Variants in ATP10D observed in about 807,000 individuals in gnomAD.
The protein encoded by ATP10D is phospholipid-transporting ATPase VD.
In ATP10D, 89 loss-of-function variants were observed where a neutral mutation model predicts 144.8. The observed-to-expected ratio is 0.61, with a 90% CI of 0.52 to 0.73. ATP10D has a LOEUF of 0.73. ATP10D is among the 30% of genes least tolerant of loss of function. ATP10D has a pLI of 0.00. For synonymous variants in ATP10D, 571 were observed against 615.1 expected, an observed-to-expected ratio of 0.93 and a Z score of 1.06; for missense variants, 1,603 against 1,714.8, an observed-to-expected ratio of 0.93 and a Z score of 1.15.
intron 8 of ATP10D, 31 bp from the exon 9 acceptor site, chr4:47,536,655 A>G (rs761306112): frequency 1.3e-6 from 2 of 1,597,572 alleles, no homozygotes; most frequent in South Asian, 1.1e-5. Context: ...AACCTACGTT[A>G]ACATTTTAAA....
At chr4:47,493,557 G>A (rs1224984844) in intron 1 of ATP10D, among the ~76,000 whole-genome samples, 1 of 152,126 alleles carries the variant, frequency 6.6e-6, no homozygotes. Flanking sequence ...CAGTAGGTTA[G>A]TGTATGACAT....
At chr4:47,572,681 T>TGTGTGTGTG (rs1384517581) in intron 17 of ATP10D, among the ~76,000 whole-genome samples, 191 bp from the exon 18 acceptor site, 2 of 87,080 alleles carry the variant, frequency 2.3e-5, no homozygotes, top group Non-Finnish European at 5.2e-5. Flanking sequence ...GTGTGTGTGT[T>TGTGTGTGTG]GGATGGTATT....
chr4:47,556,410 T>C (rs1233255560), intron 11 of ATP10D, among the ~76,000 whole-genome samples: 1 of 152,242 alleles, frequency 6.6e-6, no homozygotes, highest in Admixed American at 6.5e-5. Context: ...ATAAAGGCTG[T>C]TCTTTTCCCC....
In ATP10D at chr4:47,525,666, T is replaced by C. The variant is rs1328467667; in HGVS notation, c.776+24T>C. 9 of 1,552,068 alleles carry C rather than the reference T, an allele frequency of 5.8e-6. No individual in the cohort carries two copies. In the South Asian group the frequency reaches 1.0e-4, roughly 17 times the overall value. ...CTGTGAGTAATACATGATGAACATT[T>C]GTGGGTGTAAGTGGAATTGTGTGTT... On this transcript the variant is annotated intron_variant, in intron 5 of 22. Coordinates refer to ENST00000273859, the MANE Select transcript of ATP10D (RefSeq NM_020453.4).
intron 20 of ATP10D, among the ~76,000 whole-genome samples, chr4:47,581,511 T>G (rs900653093): frequency 6.6e-6 from 1 of 152,226 alleles, no homozygotes; most frequent in African/African-American, 2.4e-5. Flanking sequence ...ATCTGAAGTA[T>G]ATTCAGAATA....
intron 14 of ATP10D, among the ~76,000 whole-genome samples, chr4:47,563,086 G>C (rs921193279): frequency 6.6e-6 from 1 of 152,088 alleles, no homozygotes; most frequent in Non-Finnish European, 1.5e-5. Flanking sequence ...AGGATAGGTC[G>C]GGGAGCAAGG....
chr4:47,565,172 G>A (rs1719553455), intron 15 of ATP10D, among the ~76,000 whole-genome samples: 1 of 152,148 alleles, frequency 6.6e-6, no homozygotes, highest in South Asian at 2.1e-4. Flanking sequence ...GTGTTAGCCA[G>A]GATGGTCTCG....
intron 1 of ATP10D, among the ~76,000 whole-genome samples, chr4:47,510,883 T>C (rs975958381): frequency 4.6e-5 from 7 of 152,232 alleles, no homozygotes; most frequent in Admixed American, 4.6e-4. Flanking sequence ...AATCAAATTG[T>C]GCTGATTTCA....
intron 1 of ATP10D, among the ~76,000 whole-genome samples, chr4:47,488,305 A>G (rs1317030914): frequency 6.6e-6 from 1 of 151,942 alleles, no homozygotes; most frequent in African/African-American, 2.4e-5. Context: ...TGAAATAAAT[A>G]TATAAAATTC....
chr4:47,504,655 C>T (rs988304741), intron 1 of ATP10D, among the ~76,000 whole-genome samples: 4 of 152,028 alleles, frequency 2.6e-5, no homozygotes, highest in African/African-American at 7.3e-5. Context: ...CTCCGCCTCC[C>T]GGGTTCACGC....
intron 1 of ATP10D, among the ~76,000 whole-genome samples, chr4:47,486,259 G>A (rs77663826): frequency 0.017 from 2,604 of 152,288 alleles, 77 homozygotes; most frequent in African/African-American, 0.06. Flanking sequence ...TTTGGTGTCT[G>A]GGACCCTGTG....
At chr4:47,571,452 G>T (rs1719950432) in intron 16 of ATP10D, among the ~76,000 whole-genome samples, 1 of 151,996 alleles carries the variant, frequency 6.6e-6, no homozygotes, top group South Asian at 2.1e-4. Flanking sequence ...TGATTGTACA[G>T]ATCTGGGACA....
intron 5 of ATP10D, among the ~76,000 whole-genome samples, chr4:47,528,458 G>GGT (rs372960268): frequency 8.1e-4 from 94 of 116,258 alleles, no homozygotes; most frequent in African/African-American, 3.0e-3. Context: ...AGTAGTCCAT[G>GGT]GTGTGTGTGT....
chr4:47,590,820 T>A (rs1720993678), intron 22 of ATP10D, among the ~76,000 whole-genome samples: 1 of 152,126 alleles, frequency 6.6e-6, no homozygotes, highest in South Asian at 2.1e-4. Context: ...TAATAAACAC[T>A]TATATGGCAA....
At chr4:47,565,335 G>A (rs1007014207) in intron 15 of ATP10D, among the ~76,000 whole-genome samples, 8 of 152,192 alleles carry the variant, frequency 5.3e-5, no homozygotes, top group African/African-American at 1.7e-4. Context: ...GGGAAAAATA[G>A]AGTGGGTTCC....
Position 47,587,123 on chromosome 4 carries a change from T to A in ATP10D, c.3858T>A (p.Pro1286=), listed in dbSNP as rs780289043. 6.2e-7 allele frequency: 1 copy of A among 1,614,070 alleles called. No individual in the cohort carries two copies. The highest frequency in any genetic ancestry group is 1.1e-5 in the South Asian group (1 of 91,082). Residue 1286 remains proline (P), a synonymous_variant, in exon 22 of 23, where the codon CCT becomes CCA. Coordinates refer to ENST00000273859, the MANE Select transcript of ATP10D (RefSeq NM_020453.4). ...MCVTCNPPSN[P]YWIMQEHMLD... The stretch of plus-strand genomic sequence containing the variant: ...TAACTTGCAACCCACCATCCAACCC[T>A]TACTGGATTATGCAGGAGCACATGC...
intron 16 of ATP10D, among the ~76,000 whole-genome samples, chr4:47,569,924 C>T (rs1719863804): frequency 1.3e-5 from 2 of 151,884 alleles, no homozygotes; most frequent in Non-Finnish European, 1.5e-5. Context: ...AGGACAAAGC[C>T]GATTAAGCAA....
chr4:47,513,535 A>G (rs1279642612), intron 2 of ATP10D, among the ~76,000 whole-genome samples: 4 of 152,218 alleles, frequency 2.6e-5, no homozygotes, highest in Non-Finnish European at 5.9e-5. Context: ...TGACTTAATA[A>G]CAGAGGGTGG....
At chr4:47,563,835 A>G in intron 15 of ATP10D, 70 bp downstream of exon 15, 1 of 1,318,618 alleles carries the variant, frequency 7.6e-7, no homozygotes, top group East Asian at 2.5e-5. Context: ...GATTTGATGT[A>G]TGCAAGGATT....
Sources: allele counts gnomAD v4.1 joint callset (sites outside exome capture counted in the v4.1 genomes callset), GRCh38; gene constraint gnomAD v4.1.1; transcripts MANE v1.5; gene names NCBI Gene and HGNC (gene_info 2026-07-23, HGNC 2026-07-21).